ARMH4: variants seen among roughly 807,000 people sequenced by gnomAD.
The protein encoded by ARMH4 is armadillo like helical domain containing 4, also known as armadillo-like helical domain-containing protein 4.
A neutral mutation model predicts 61.9 loss-of-function variants in ARMH4; 49 were observed. The ratio of observed to expected loss-of-function variants is 0.79; its 90% CI spans 0.63 to 1.00. The LOEUF (loss-of-function observed/expected upper bound fraction) is 1.00. Among genes scored for constraint, ARMH4 ranks in the 50% least tolerant of loss-of-function variants. ARMH4 has a pLI of 0.00. For synonymous variants in ARMH4, 368 were observed against 341.5 expected (o/e 1.08, Z -0.85); for missense variants, 934 against 930.0 (o/e 1.00, Z -0.06).
chr14:58,115,969 A>G (rs1886504151), intron 4 of ARMH4: 1 of 152,210 alleles, frequency 6.6e-6, no homozygotes, highest in Non-Finnish European at 1.5e-5. Flanking sequence ...TACGCTCACT[A>G]CCTGAGTGAT....
At chr14:58,150,960 T>C (rs189160483) in intron 1 of ARMH4, among the ~76,000 whole-genome samples, 200 of 152,278 alleles carry the variant, frequency 1.3e-3, no homozygotes, top group African/African-American at 4.7e-3. Context: ...ACAGCATCAC[T>C]TGTGATCAAG....
intron 5 of ARMH4, among the ~76,000 whole-genome samples, chr14:58,094,235 CAGG>C (rs1177819059): frequency 6.8e-6 from 1 of 147,626 alleles, no homozygotes; most frequent in Non-Finnish European, 1.5e-5. Context: ...GAGGCTGAGG[CAGG>C]AGAATTGTTT....
intron 5 of ARMH4, among the ~76,000 whole-genome samples, chr14:58,084,244 C>G (rs939681467): frequency 2.0e-5 from 3 of 152,106 alleles, no homozygotes; most frequent in Admixed American, 1.3e-4. Flanking sequence ...CCATGGTTTG[C>G]CCCACCTTCT....
At chr14:58,148,832 G>A (rs1332080480) in intron 1 of ARMH4, among the ~76,000 whole-genome samples, 2 of 146,062 alleles carry the variant, frequency 1.4e-5, no homozygotes, top group African/African-American at 5.1e-5. Context: ...ATATTTTAAG[G>A]TTTCAGAGTT....
Position 58,072,189 on chromosome 14 carries a change from C to T in ARMH4, c.2089+24535G>A, listed in dbSNP as rs950094012. On this transcript the variant is annotated intron_variant, in intron 5 of 7. Transcript: ENST00000267485. ...AGCCTAAAGCCTAGCAAGTCCCTCA[C>T]AAGTTGTAGGCACATAGGAAGTATT... Among the ~76,000 whole-genome samples the T allele has an allele frequency of 2.6e-5, 4 of 152,184 alleles. No individual in the cohort carries two copies. In the East Asian group the frequency reaches 7.7e-4, roughly 29 times the overall value.
At chr14:58,030,203 T>C (rs958051892) in intron 5 of ARMH4, among the ~76,000 whole-genome samples, 1 of 152,128 alleles carries the variant, frequency 6.6e-6, no homozygotes, top group Non-Finnish European at 1.5e-5. Context: ...GTAGAACTCA[T>C]ATTCCATTCA....
chr14:58,096,848 A>T lies in ARMH4; in HGVS notation c.1965T>A (p.Gly655=). The change falls in exon 5 of 8, where the codon GGT becomes GGA. Residue 655 remains glycine, a synonymous_variant. Transcript: ENST00000267485. ...GGGATGTGATACCAGGGAGGGTAAA[A>T]CCTGGCAGCTCAGTGTCACCATCCA... ...EGLDGDTELP[G]FTLPGITSQE... 6.2e-7 allele frequency: 1 copy of T among 1,613,984 alleles called. No individual in the cohort carries two copies. Among genetic ancestry groups the T allele is most frequent in the Non-Finnish European group, 8.5e-7 (1 of 1,179,988 alleles).
At chr14:58,044,284 A>G (rs922114655) in intron 5 of ARMH4, among the ~76,000 whole-genome samples, 7 of 152,254 alleles carry the variant, frequency 4.6e-5, no homozygotes, top group African/African-American at 1.4e-4. Context: ...CCAATGGAAC[A>G]GAATAGAGCC....
chr14:58,085,544 T>C (rs947977228), intron 5 of ARMH4, among the ~76,000 whole-genome samples: 23 of 152,268 alleles, frequency 1.5e-4, no homozygotes, highest in African/African-American at 5.1e-4. Flanking sequence ...TAGTTCCAAG[T>C]CTCCTTTTCT....
At chr14:58,147,087 A>T (rs529623159) in intron 1 of ARMH4, among the ~76,000 whole-genome samples, 1 of 152,334 alleles carries the variant, frequency 6.6e-6, no homozygotes, top group African/African-American at 2.4e-5. Flanking sequence ...ACTGGAAGTT[A>T]CTTTGATGAC....
At chr14:58,043,818 G>A (rs934396400) in intron 5 of ARMH4, among the ~76,000 whole-genome samples, 108 of 152,218 alleles carry the variant, frequency 7.1e-4, no homozygotes, top group Non-Finnish European at 1.1e-3. Context: ...ATAACAGACA[G>A]ACAGAGAGCC....
At chr14:58,052,984 C>T (rs1176683333) in intron 5 of ARMH4, among the ~76,000 whole-genome samples, 1 of 152,160 alleles carries the variant, frequency 6.6e-6, no homozygotes, top group East Asian at 1.9e-4. Context: ...TAGGAGTCCC[C>T]TTTAACACTA....
rs1882058605 is a variant in ARMH4, at chr14:58,003,714, A to T, written c.*1022T>A. 1 of 152,090 alleles carries T rather than the reference A, an allele frequency of 6.6e-6. No homozygotes were observed. The highest frequency in any genetic ancestry group is 6.5e-5 in the Admixed American group (1 of 15,268). The allele number at this position is 152,090 out of a possible 1,614,324, so 9.4% of individuals were successfully genotyped here. On this transcript the variant is annotated 3_prime_UTR_variant, in exon 8 of 8. Coordinates refer to ENST00000267485, the MANE Select transcript of ARMH4 (RefSeq NM_001001872.4). The stretch of plus-strand genomic sequence containing the variant: ...CCCATGAGCTCTGTTGTTCACCAGG[A>T]CTCTGGCCACTGGGCAGACAAACGA...
intron 6 of ARMH4, among the ~76,000 whole-genome samples, 182 bp from the exon 7 acceptor site, chr14:58,005,364 C>G (rs1246524091): frequency 6.6e-6 from 1 of 152,128 alleles, no homozygotes; most frequent in Non-Finnish European, 1.5e-5. Flanking sequence ...GAGAGAGAGA[C>G]AGGCCTATTT....
chr14:58,039,522 AAAAG>A (rs1883610588), intron 5 of ARMH4, among the ~76,000 whole-genome samples: 1 of 152,204 alleles, frequency 6.6e-6, no homozygotes, highest in Admixed American at 6.5e-5. Flanking sequence ...TTATTTTTAA[AAAAG>A]AAAATCTTTC....
intron 5 of ARMH4, among the ~76,000 whole-genome samples, chr14:58,072,666 G>A (rs557151202): frequency 1.8e-4 from 27 of 151,918 alleles, no homozygotes; most frequent in African/African-American, 5.3e-4. Context: ...AGGTTGCAGC[G>A]AGCCGAGATC....
chr14:58,008,723 G>C (rs189017986), intron 6 of ARMH4, among the ~76,000 whole-genome samples: 1 of 152,282 alleles, frequency 6.6e-6, no homozygotes, highest in Admixed American at 6.5e-5. Context: ...TTCCTGGGAG[G>C]TATGTCTATG....
At chr14:58,020,946 G>T (rs1197920955) in intron 5 of ARMH4, among the ~76,000 whole-genome samples, 1 of 152,192 alleles carries the variant, frequency 6.6e-6, no homozygotes, top group Non-Finnish European at 1.5e-5. Flanking sequence ...TGAGAACCAG[G>T]AGAGCTGATG....
At chr14:58,009,463 G>A (rs1028746094) in intron 6 of ARMH4, among the ~76,000 whole-genome samples, 10 of 151,976 alleles carry the variant, frequency 6.6e-5, no homozygotes, top group African/African-American at 2.2e-4. Flanking sequence ...AGCTTGGGCC[G>A]CTCTCACTGT....
Sources: gnomAD v4.1 joint callset for allele counts (sites outside exome capture counted in the v4.1 genomes callset) on GRCh38, gnomAD v4.1.1 for gene constraint, MANE v1.5 for transcripts, NCBI Gene and HGNC (gene_info 2026-07-23, HGNC 2026-07-21) for gene names.